Variants in STON2 observed in about 807,000 individuals in gnomAD.
STON2 encodes stonin 2, also known as stonin-2.
In STON2, 29 loss-of-function variants were observed where a neutral mutation model predicts 65.7. That is an observed-to-expected ratio of 0.44 (90% CI 0.33 to 0.60). The LOEUF (loss-of-function observed/expected upper bound fraction) is 0.60. STON2 is among the 20% of genes least tolerant of loss of function. The pLI is 0.03. For missense variants in STON2, 1,054 were observed against 1,118.1 expected (o/e 0.94, Z 0.82); for synonymous variants, 404 against 414.2 (o/e 0.98, Z 0.30).
intron 6 of STON2, among the ~76,000 whole-genome samples, chr14:81,271,688 T>C (rs1894599691): frequency 6.6e-6 from 1 of 152,228 alleles, no homozygotes; most frequent in Non-Finnish European, 1.5e-5. Flanking sequence ...TTGGGTTTGA[T>C]TTTTACTTGA....
At position 81,267,189 on chromosome 14, in the gene STON2, G is replaced by A. The variant is rs1894389372; in HGVS notation, c.*1225C>T. 2 of 985,208 alleles carry A rather than the reference G, an allele frequency of 2.0e-6. No homozygotes were observed. Among genetic ancestry groups the A allele is most frequent in the African/African-American group, 3.5e-5 (2 of 57,204 alleles). The allele number at this position is 985,208 out of a possible 1,614,324, so 61.0% of individuals were successfully genotyped here. On this transcript the variant is annotated 3_prime_UTR_variant, in exon 8 of 8. Coordinates refer to ENST00000614646, the MANE Select transcript of STON2 (RefSeq NM_001394390.1). ...CAGAGGTGAGTAGGAACGGATGAAG[G>A]AAAAGAAGATTAATTGTCCCAGAAA...
chr14:81,299,482 C>T (rs893143945), intron 5 of STON2, among the ~76,000 whole-genome samples: 2 of 152,230 alleles, frequency 1.3e-5, no homozygotes, highest in Admixed American at 6.5e-5. Flanking sequence ...TTAGGCATTG[C>T]AACAAGGCAA....
chr14:81,325,903 T>C (rs899136655), intron 4 of STON2, among the ~76,000 whole-genome samples: 14 of 152,002 alleles, frequency 9.2e-5, no homozygotes, highest in African/African-American at 1.9e-4. Context: ...ATGATTACAA[T>C]TGAATAGATA....
intron 5 of STON2, among the ~76,000 whole-genome samples, chr14:81,286,025 G>A (rs977998866): frequency 2.6e-5 from 3 of 115,542 alleles, no homozygotes; most frequent in African/African-American, 8.8e-5. Context: ...GCGGGCACCT[G>A]TAGTCCCAGC....
intron 2 of STON2, among the ~76,000 whole-genome samples, chr14:81,412,590 A>T (rs560425021): frequency 7.2e-6 from 1 of 139,282 alleles, no homozygotes; most frequent in African/African-American, 3.0e-5. Flanking sequence ...AGGGAGGCAG[A>T]GAAGTGTTTA....
intron 4 of STON2, among the ~76,000 whole-genome samples, chr14:81,359,893 A>T (rs1346753924): frequency 6.6e-6 from 1 of 152,128 alleles, no homozygotes; most frequent in East Asian, 1.9e-4. Context: ...ACAAACAAAA[A>T]ACTTCCATCA....
intron 3 of STON2, among the ~76,000 whole-genome samples, chr14:81,371,560 T>G (rs1362225486): frequency 1.3e-5 from 2 of 150,820 alleles, no homozygotes; most frequent in African/African-American, 4.9e-5. Flanking sequence ...CCAAGCATGG[T>G]GGCTGGAGCC....
At chr14:81,321,383 A>G (rs1174140994) in intron 5 of STON2, among the ~76,000 whole-genome samples, 2 of 151,942 alleles carry the variant, frequency 1.3e-5, no homozygotes, top group East Asian at 3.9e-4. Context: ...AAAAAAAAAA[A>G]AAAAAAGAAT....
intron 4 of STON2, among the ~76,000 whole-genome samples, chr14:81,367,721 C>T (rs1013852020): frequency 1.3e-5 from 2 of 152,154 alleles, no homozygotes; most frequent in Non-Finnish European, 2.9e-5. Context: ...CCATGGCCTG[C>T]GGAGCTGCTC....
chr14:81,354,997 A>T (rs145051987), intron 4 of STON2, among the ~76,000 whole-genome samples: 56 of 152,306 alleles, frequency 3.7e-4, no homozygotes, highest in African/African-American at 1.3e-3. Context: ...AAGAAAAAAA[A>T]AAAATGAAAT....
intron 3 of STON2, among the ~76,000 whole-genome samples, chr14:81,380,483 T>G (rs907905362): frequency 5.3e-5 from 8 of 152,184 alleles, no homozygotes; most frequent in Admixed American, 4.6e-4. Flanking sequence ...GCAATCCCAT[T>G]ACTGTGTATA....
chr14:81,270,407 T>A, intron 7 of STON2: 1 of 1,400,168 alleles, frequency 7.1e-7, no homozygotes, highest in Non-Finnish European at 9.3e-7. Context: ...TTTGTTGTCA[T>A]TGCTCATAAT....
At chr14:81,389,115 T>C (rs761071072) in intron 3 of STON2, among the ~76,000 whole-genome samples, 2 of 152,180 alleles carry the variant, frequency 1.3e-5, no homozygotes, top group Non-Finnish European at 2.9e-5. Context: ...GGGCTCTTAA[T>C]AGAAGTAAAT....
intron 5 of STON2, among the ~76,000 whole-genome samples, chr14:81,321,607 A>C (rs1230344402): frequency 6.6e-6 from 1 of 152,204 alleles, no homozygotes; most frequent in Non-Finnish European, 1.5e-5. Context: ...CAACAGAAGT[A>C]GATGCAAAAC....
intron 4 of STON2, among the ~76,000 whole-genome samples, chr14:81,331,520 C>G (rs1456448177): frequency 6.6e-6 from 1 of 152,186 alleles, no homozygotes; most frequent in African/African-American, 2.4e-5. Flanking sequence ...TACAGAGCCA[C>G]AAACTAGTAT....
At chr14:81,290,718 C>G (rs74065072) in intron 5 of STON2, among the ~76,000 whole-genome samples, 2 of 152,144 alleles carry the variant, frequency 1.3e-5, no homozygotes, top group Non-Finnish European at 2.9e-5. Flanking sequence ...AGCAATGACA[C>G]TGACAACAAA....
At chr14:81,296,325 T>C (rs1204566658) in intron 5 of STON2, among the ~76,000 whole-genome samples, 1 of 152,204 alleles carries the variant, frequency 6.6e-6, no homozygotes, top group Non-Finnish European at 1.5e-5. Flanking sequence ...TTTTATGAAG[T>C]AAATTTGATT....
rs959685837 is a variant in STON2 at position 81,387,112 on chromosome 14, T to A, written c.373+8782A>T. ...GGGTTTAGGTTCATTTTCAAAAAAA[T>A]TTCTTTAGAGAACTATACAAAATTT... On this transcript the variant is annotated intron_variant, in intron 3 of 7. Transcript: ENST00000614646. Among the ~76,000 whole-genome samples, 8 of 152,022 alleles carry A rather than the reference T, an allele frequency of 5.3e-5. No individual in the cohort carries two copies. The South Asian group carries it at 8.3e-4, about 16-fold the overall frequency.
chr14:81,335,094 G>A (rs759529510), intron 4 of STON2, among the ~76,000 whole-genome samples: 103 of 151,584 alleles, frequency 6.8e-4, no homozygotes, highest in Non-Finnish European at 1.2e-3. Context: ...TCAAACTCCT[G>A]GACTCAAGTG....
Sources: gnomAD v4.1 joint callset for allele counts (sites outside exome capture counted in the v4.1 genomes callset) on GRCh38, gnomAD v4.1.1 for gene constraint, MANE v1.5 for transcripts, NCBI Gene and HGNC (gene_info 2026-07-23, HGNC 2026-07-21) for gene names.